The following CAPZB variants were observed in gnomAD, a reference collection of about 807,000 sequenced individuals.
CAPZB encodes F-actin-capping protein subunit beta.
CAPZB carries 2 observed loss-of-function variants against 38.1 expected under a neutral mutation model. The ratio of observed to expected loss-of-function variants is 0.05; its 90% CI spans 0.02 to 0.17. The LOEUF is 0.17. CAPZB is among the 10% of genes least tolerant of loss of function. The pLI is 1.00. For synonymous variants in CAPZB, 107 were observed against 127.4 expected (o/e 0.84, Z 1.08); for missense variants, 161 against 334.2 (o/e 0.48, Z 4.04).
chr1:19,430,079 A>C (rs561514558), intron 1 of CAPZB, among the ~76,000 whole-genome samples: 1 of 152,066 alleles, frequency 6.6e-6, no homozygotes, highest in South Asian at 2.1e-4. Flanking sequence ...CCACCATCTC[A>C]TCTATTTGAA....
chr1:19,405,865 G>C (rs2094329250), intron 2 of CAPZB, among the ~76,000 whole-genome samples: 1 of 152,234 alleles, frequency 6.6e-6, no homozygotes. Flanking sequence ...TTACATAAAA[G>C]GCAATGGGCC....
At chr1:19,456,847 A>C (rs1268844151) in intron 1 of CAPZB, among the ~76,000 whole-genome samples, 1 of 152,232 alleles carries the variant, frequency 6.6e-6, no homozygotes, top group African/African-American at 2.4e-5. Context: ...ACACAACTTC[A>C]GCAAAAGGTA....
intron 1 of CAPZB, among the ~76,000 whole-genome samples, chr1:19,431,791 T>C (rs1458144351): frequency 6.6e-6 from 1 of 151,688 alleles, no homozygotes; most frequent in African/African-American, 2.4e-5. Context: ...AAAATACTAC[T>C]TCGGGCTGCA....
chr1:19,339,995 C>T (rs958270005), intron 8 of CAPZB, among the ~76,000 whole-genome samples: 1 of 152,236 alleles, frequency 6.6e-6, no homozygotes, highest in South Asian at 2.1e-4. Flanking sequence ...CACAATGGAA[C>T]AAAGCCCCTC....
chr1:19,384,327 C>A (rs1395046324), intron 3 of CAPZB, among the ~76,000 whole-genome samples: 1 of 152,144 alleles, frequency 6.6e-6, no homozygotes, highest in East Asian at 1.9e-4. Flanking sequence ...GGCCTCAGCA[C>A]CCAGCAGGCT....
chr1:19,363,260 A>AT (rs10641267), intron 4 of CAPZB, among the ~76,000 whole-genome samples: 29,530 of 122,974 alleles, frequency 0.24, 3,671 homozygotes, highest in South Asian at 0.34. Context: ...TAAAAAAAAA[A>AT]TTTTTTTTTT....
intron 2 of CAPZB, among the ~76,000 whole-genome samples, chr1:19,409,138 A>C (rs1351970812): frequency 6.6e-6 from 1 of 152,062 alleles, no homozygotes; most frequent in Non-Finnish European, 1.5e-5. Flanking sequence ...TAACAGGTTC[A>C]GTTCTTTTTT....
rs148214190 is a variant in CAPZB at position 19,366,847 on chromosome 1, A to G, written c.330-9284T>C. ...TTTTTGTTCCCTCCTAGGGTAAAAA[A>G]GAAACTAAAATCCCCAGCTATCAGC... On this transcript the variant is annotated intron_variant, in intron 4 of 8. Transcript: ENST00000264202. 6.1e-3 allele frequency among the ~76,000 whole-genome samples: 933 copies of G among 152,340 alleles called. 4 individuals carry two copies. The highest frequency in any genetic ancestry group is 0.01 in the Middle Eastern group (3 of 294).
chr1:19,349,167 G>A (rs760270827), intron 6 of CAPZB, among the ~76,000 whole-genome samples: 3 of 152,148 alleles, frequency 2.0e-5, no homozygotes, highest in Non-Finnish European at 4.4e-5. Flanking sequence ...TGCTCAACAG[G>A]AGCTGGGGAG....
chr1:19,374,899 G>A (rs1483056828), intron 4 of CAPZB, among the ~76,000 whole-genome samples: 1 of 152,212 alleles, frequency 6.6e-6, no homozygotes, highest in African/African-American at 2.4e-5. Flanking sequence ...TTTGTATGGG[G>A]AAGGGCTAGA....
intron 4 of CAPZB, among the ~76,000 whole-genome samples, chr1:19,365,837 AAAG>A (rs1341680602): frequency 1.4e-5 from 2 of 146,410 alleles, no homozygotes; most frequent in African/African-American, 5.5e-5. Context: ...TCCGTCTCAA[AAAG>A]AAAAAAAGAA....
chr1:19,347,002 ATTTTTAT>A (rs1414538870), intron 6 of CAPZB, among the ~76,000 whole-genome samples: 1 of 146,028 alleles, frequency 6.8e-6, no homozygotes, highest in South Asian at 2.2e-4. Flanking sequence ...TTTTATTTTT[ATTTTTAT>A]TTTTTATTTT....
At chr1:19,343,923 C>T (rs184938946) in intron 8 of CAPZB, among the ~76,000 whole-genome samples, 61 of 152,314 alleles carry the variant, frequency 4.0e-4, no homozygotes, top group African/African-American at 1.4e-3. Flanking sequence ...CCTGAGAAGG[C>T]CCGGACTGAG....
At chr1:19,364,752 C>T (rs1403252212) in intron 4 of CAPZB, among the ~76,000 whole-genome samples, 1 of 152,238 alleles carries the variant, frequency 6.6e-6, no homozygotes, top group Non-Finnish European at 1.5e-5. Context: ...CCCTCCAGCA[C>T]TCAAGACCAA....
intron 1 of CAPZB, among the ~76,000 whole-genome samples, chr1:19,455,465 C>A (rs1379705949): frequency 6.6e-6 from 1 of 152,232 alleles, no homozygotes; most frequent in East Asian, 1.9e-4. Flanking sequence ...CTGGTCCCCA[C>A]TGGCCTCATT....
At chr1:19,346,059 G>A (rs79558165) in intron 6 of CAPZB, among the ~76,000 whole-genome samples, 58 of 152,226 alleles carry the variant, frequency 3.8e-4, no homozygotes, top group Non-Finnish European at 5.6e-4. Context: ...ACTTTCCCCC[G>A]AATTTTTTCT....
rs2094020080 is a variant in CAPZB, at chr1:19,356,212, G to A, written c.588+423C>T. On this transcript the variant is annotated intron_variant, in intron 6 of 8. Coordinates refer to ENST00000264202, the MANE Select transcript of CAPZB (RefSeq NM_004930.5). This position sits in a 1 kb window ranked among gnomAD's most constrained non-coding sequence, Gnocchi z 4.3. The stretch of plus-strand genomic sequence containing the variant: ...TTTGGTGATGCTGATGCTGGTCCTT[G>A]GACTACTCTGAGGGCAGCAAGGTGC... Among the ~76,000 whole-genome samples, 1 of 152,184 alleles carries A rather than the reference G, an allele frequency of 6.6e-6. No individual in the cohort carries two copies. The highest frequency in any genetic ancestry group is 2.4e-5 in the African/African-American group (1 of 41,438).
chr1:19,340,083 C>T (rs1434629191), intron 8 of CAPZB, among the ~76,000 whole-genome samples: 1 of 152,198 alleles, frequency 6.6e-6, no homozygotes, highest in East Asian at 1.9e-4. Flanking sequence ...CGGGGCCATG[C>T]GGGTTCCTCT....
In CAPZB at chr1:19,401,186, TAGGC is replaced by T. The variant is rs2094301397; in HGVS notation, c.94-15564_94-15561del. 4.1e-5 allele frequency among the ~76,000 whole-genome samples: 6 copies of T among 147,612 alleles called. No homozygotes were observed. The South Asian group carries it at 1.3e-3, about 32-fold the overall frequency. ...CTAAGAGACTTAAATTTCCTACACA[TAGGC>T]AGAATAAAAACCAAAAAGGAAAAAA... is the stretch of plus-strand genomic sequence containing the variant. On this transcript the variant is annotated intron_variant, in intron 2 of 8. Coordinates refer to ENST00000264202, the MANE Select transcript of CAPZB (RefSeq NM_004930.5).
Sources: gnomAD v4.1 joint callset for allele counts (sites outside exome capture counted in the v4.1 genomes callset) on GRCh38, gnomAD v4.1.1 for gene constraint, Gnocchi (gnomAD v3.1) non-coding constraint, MANE v1.5 for transcripts, NCBI Gene and HGNC (gene_info 2026-07-23, HGNC 2026-07-21) for gene names.